The following NFIB variants were observed in gnomAD, a reference collection of about 807,000 sequenced individuals.
The protein encoded by NFIB is nuclear factor I B.
NFIB carries 11 observed loss-of-function variants against 61.5 expected under a neutral mutation model. The observed-to-expected ratio is 0.18, with a 90% CI of 0.11 to 0.30. NFIB has a LOEUF of 0.30. Ranked by LOEUF, NFIB falls within the 10% of genes least tolerant of loss-of-function variation. The pLI is 1.00. For missense variants in NFIB, 471 were observed against 608.9 expected (o/e 0.77, Z 2.38); for synonymous variants, 260 against 216.5 (o/e 1.20, Z -1.76).
chr9:14,351,421 C>T (rs888410529), intron 1 of NFIB, among the ~76,000 whole-genome samples: 2 of 152,154 alleles, frequency 1.3e-5, no homozygotes, highest in African/African-American at 2.4e-5. Context: ...TGTGTCCGGG[C>T]CAGGGATGCC....
At position 14,150,136 on chromosome 9, in the gene NFIB, T is replaced by C; in HGVS notation, c.806+9A>G. On this transcript the variant is annotated intron_variant, in intron 5 of 10. Transcript: ENST00000380953. ...CACTTGAGAATATGAGCAGCCCTTCTTTCAGTACCTGCTTGGTGGAGAAGA... is the reference window on the plus strand; with the variant it reads ...CACTTGAGAATATGAGCAGCCCTTCCTTCAGTACCTGCTTGGTGGAGAAGA... The C allele has an allele frequency of 6.2e-7, 1 of 1,613,228 alleles. No homozygotes were observed. Among genetic ancestry groups the C allele is most frequent in the Non-Finnish European group, 8.5e-7 (1 of 1,179,370 alleles).
At position 14,090,713 on chromosome 9, in the gene NFIB, G is replaced by C. The variant is rs79630335; in HGVS notation, c.1468-2387C>G. On this transcript the variant is annotated intron_variant, in intron 10 of 10. Coordinates refer to ENST00000380953, the MANE Select transcript of NFIB (RefSeq NM_001190737.2). ...ATAATCCTTGACAGTAAAATACAAT[G>C]TCAACAAGCAGCAAATTGCTTTGCA... Among the ~76,000 whole-genome samples, 1,405 of 152,126 alleles carry C rather than the reference G, an allele frequency of 9.2e-3. 27 individuals are homozygous for C. Among genetic ancestry groups the C allele is most frequent in the African/African-American group, 0.032 (1,347 of 41,564 alleles).
intron 1 of NFIB, among the ~76,000 whole-genome samples, chr9:14,394,969 A>C (rs2061665747): frequency 1.3e-5 from 2 of 152,210 alleles, no homozygotes. Flanking sequence ...AGGCAAAGGA[A>C]AATATTTTTC....
Position 14,081,927 on chromosome 9 carries a change from G to T in NFIB, c.*6382C>A. ...CGCTTCCAGTAATTGACTGCAGTATGAGCAGCTGCTAGCAGTATAGGCTGG... is the reference window on the plus strand; with the variant it reads ...CGCTTCCAGTAATTGACTGCAGTATTAGCAGCTGCTAGCAGTATAGGCTGG... On this transcript the variant is annotated 3_prime_UTR_variant, in exon 11 of 11. Coordinates refer to ENST00000380953, the MANE Select transcript of NFIB (RefSeq NM_001190737.2). The T allele has an allele frequency of 5.0e-6, 1 of 200,314 alleles. No homozygotes were observed. The highest frequency in any genetic ancestry group is 1.0e-5 in the Non-Finnish European group (1 of 96,684). 12.4% of individuals were successfully genotyped at this position (200,314 alleles called of 1,614,324 possible).
At chr9:14,199,044 C>T (rs2048742519) in intron 2 of NFIB, among the ~76,000 whole-genome samples, 1 of 152,186 alleles carries the variant, frequency 6.6e-6, no homozygotes, top group Admixed American at 6.5e-5. Context: ...CCCTGACTGG[C>T]CAAGGGATTC....
At position 14,314,061 on chromosome 9, in the gene NFIB, G is replaced by A; in HGVS notation, c.-550C>T. The A allele has an allele frequency of 9.4e-7, 1 of 1,062,844 alleles. No individual in the cohort carries two copies. The highest frequency in any genetic ancestry group is 1.1e-6 in the Non-Finnish European group (1 of 878,180). The allele number at this position is 1,062,844 out of a possible 1,614,324, so 65.8% of individuals were successfully genotyped here. A position where few individuals can be genotyped will look rare whatever the true frequency, so the allele number is the denominator to read the frequency against. On this transcript the variant is annotated 5_prime_UTR_variant, in exon 1 of 11. Coordinates refer to ENST00000380953, the MANE Select transcript of NFIB (RefSeq NM_001190737.2). ...GGTTACAGCCCCAAGCACTGCGGCA[G>A]GATCCCGGAGTGGTGATCGCAGGCG... is the stretch of plus-strand genomic sequence containing the variant.
At chr9:14,290,083 T>C (rs1044714408) in intron 2 of NFIB, among the ~76,000 whole-genome samples, 10 of 152,074 alleles carry the variant, frequency 6.6e-5, no homozygotes, top group African/African-American at 2.4e-4. Flanking sequence ...TAGTAAAGTA[T>C]ACTGGATTGT....
chr9:14,472,507 T>C, the NFIB span, among the ~76,000 whole-genome samples: 11,109 of 152,278 alleles, frequency 0.073, 483 homozygotes, highest in East Asian at 0.12. Flanking sequence ...TTGTATTCTG[T>C]AAAGCTTTAT....
intron 6 of NFIB, among the ~76,000 whole-genome samples, chr9:14,131,437 T>C (rs939535563): frequency 6.6e-6 from 1 of 152,190 alleles, no homozygotes; most frequent in Non-Finnish European, 1.5e-5. Context: ...TTCAAAGAGA[T>C]AAGGACTTAA....
chr9:14,339,155 A>G (rs1298853194), intron 1 of NFIB, among the ~76,000 whole-genome samples: 6 of 152,226 alleles, frequency 3.9e-5, no homozygotes, highest in African/African-American at 1.2e-4. Flanking sequence ...CAGAAAATGT[A>G]AAAAGCCTAG....
chr9:14,146,774 A>G lies in NFIB; in HGVS notation c.840T>C (p.Asn280=). ...AGTCTCCTGTAGGACTTGGTTCCAT[A>G]TTTTCATCTATGGATATAGTTTTGG... ...KRPKTISIDE[N]MEPSPTGDFY... The change falls in exon 6 of 11, where the codon AAT becomes AAC. Residue 280 remains asparagine (N), a synonymous_variant. Transcript: ENST00000380953. 6.2e-7 allele frequency: 1 copy of G among 1,604,516 alleles called. No homozygotes were observed. The highest frequency in any genetic ancestry group is 8.5e-7 in the Non-Finnish European group (1 of 1,177,616).
intron 1 of NFIB, chr9:14,398,426 C>G: frequency 1.2e-6 from 1 of 831,600 alleles, no homozygotes; most frequent in Non-Finnish European, 1.8e-6. Context: ...TTCTCTAGAG[C>G]AGCCATATTT....
the NFIB span, among the ~76,000 whole-genome samples, chr9:14,466,555 C>G: frequency 6.6e-6 from 1 of 152,120 alleles, no homozygotes; most frequent in Non-Finnish European, 1.5e-5. Flanking sequence ...TGCTTCCAGC[C>G]TGAAAACAGT....
chr9:14,512,016 T>A, the NFIB span, among the ~76,000 whole-genome samples: 6 of 152,224 alleles, frequency 3.9e-5, no homozygotes, highest in Admixed American at 2.0e-4. Flanking sequence ...AGATTCTCTA[T>A]CCTCAAGCCT....
chr9:14,234,883 G>A (rs1238014530), intron 2 of NFIB, among the ~76,000 whole-genome samples: 3 of 149,510 alleles, frequency 2.0e-5, no homozygotes, highest in African/African-American at 7.4e-5. Context: ...AATAACAATA[G>A]TGAGGTGAAA....
Position 14,179,824 on chromosome 9 carries a change from G to A in NFIB, c.563-44C>T, listed in dbSNP as rs369593017. 18 of 1,595,674 alleles carry A rather than the reference G, an allele frequency of 1.1e-5. No individual in the cohort carries two copies. In the African/African-American group the frequency reaches 2.2e-4, roughly 19 times the overall value. ...AAATGTTTTCTTTTTAATTTGTTTT[G>A]AAAGAATTTCACAATCCTCAAAGGA... On this transcript the variant is annotated intron_variant, in intron 2 of 10. Transcript: ENST00000380953.
At chr9:14,293,777 C>T (rs930987030) in intron 2 of NFIB, among the ~76,000 whole-genome samples, 1 of 152,208 alleles carries the variant, frequency 6.6e-6, no homozygotes, top group East Asian at 1.9e-4. Context: ...GATTGAAAAA[C>T]TGTTTCCGTT....
chr9:14,211,686 G>A (rs1563906006), intron 2 of NFIB, among the ~76,000 whole-genome samples: 1 of 152,216 alleles, frequency 6.6e-6, no homozygotes, highest in Non-Finnish European at 1.5e-5. Context: ...CAGATTCTGT[G>A]CCATCCACCC....
rs570804696 is a variant in NFIB at position 14,121,196 on chromosome 9, G to A, written c.1061-572C>T. Among the ~76,000 whole-genome samples, 421 of 152,310 alleles carry A rather than the reference G, an allele frequency of 2.8e-3. 1 individual carries two copies. The highest frequency in any genetic ancestry group is 4.1e-3 in the Admixed American group (63 of 15,296). ...GGAGAATCACTTGAATCCAGTAGAC[G>A]GAGGTTGCAGTGAGCCGAGATGGCG... On this transcript the variant is annotated intron_variant, in intron 7 of 10. Coordinates refer to ENST00000380953, the MANE Select transcript of NFIB (RefSeq NM_001190737.2).
Sources: gnomAD v4.1 joint callset for allele counts (sites outside exome capture counted in the v4.1 genomes callset) on GRCh38, gnomAD v4.1.1 for gene constraint, MANE v1.5 for transcripts, NCBI Gene and HGNC (gene_info 2026-07-23, HGNC 2026-07-21) for gene names.